Variants in SPAG6 observed in about 807,000 individuals in gnomAD.
SPAG6 encodes sperm-associated antigen 6.
A neutral mutation model predicts 58.5 loss-of-function variants in SPAG6; 49 were observed. The ratio of observed to expected loss-of-function variants is 0.84; its 90% CI spans 0.67 to 1.06. The LOEUF is 1.06. SPAG6 is among the 50% of genes least tolerant of loss of function. SPAG6 has a pLI of 0.00. For synonymous variants in SPAG6, 233 were observed against 225.6 expected (o/e 1.03, Z -0.29); for missense variants, 560 against 611.3 (o/e 0.92, Z 0.89).
intron 9 of SPAG6, among the ~76,000 whole-genome samples, chr10:22,403,359 C>T (rs1048370680): frequency 1.3e-5 from 2 of 152,014 alleles, no homozygotes; most frequent in South Asian, 2.1e-4. Flanking sequence ...TGTTCAATTC[C>T]CACCTATGAG....
intron 9 of SPAG6, among the ~76,000 whole-genome samples, chr10:22,409,996 G>A (rs1834689560): frequency 6.6e-6 from 1 of 152,116 alleles, no homozygotes; most frequent in African/African-American, 2.4e-5. Context: ...ACTTTCCTCA[G>A]CTGCTGATAG....
intron 2 of SPAG6, among the ~76,000 whole-genome samples, chr10:22,363,815 A>G (rs957564376): frequency 9.2e-5 from 14 of 152,244 alleles, no homozygotes; most frequent in African/African-American, 3.4e-4. Context: ...ACTAGGATAT[A>G]TTTTTAAAGA....
chr10:22,362,782 A>C (rs1381050095), intron 2 of SPAG6, among the ~76,000 whole-genome samples: 3 of 151,970 alleles, frequency 2.0e-5, no homozygotes, highest in Non-Finnish European at 4.4e-5. Flanking sequence ...GATAATGACA[A>C]TACAATGTCA....
intron 2 of SPAG6, among the ~76,000 whole-genome samples, chr10:22,356,013 A>G (rs1314212845): frequency 6.6e-6 from 1 of 152,268 alleles, no homozygotes; most frequent in Non-Finnish European, 1.5e-5. Context: ...GATAAGTATA[A>G]TTAGACTTAC....
rs573720613 is a variant in SPAG6 at position 22,381,813 on chromosome 10, T to C, written c.473-4941T>C. Among the ~76,000 whole-genome samples, 5 of 152,338 alleles carry C rather than the reference T, an allele frequency of 3.3e-5. No homozygotes were observed. The South Asian group carries it at 6.2e-4, about 19-fold the overall frequency. ...CTTTAGATAGTACTAATCTTATGAA[T>C]GTTGTTGATCTTAAAAGTCCTCCTT... On this transcript the variant is annotated intron_variant, in intron 4 of 10. Transcript: ENST00000376624.
chr10:22,367,737 T>C (rs1327562452), intron 3 of SPAG6, among the ~76,000 whole-genome samples: 1 of 152,154 alleles, frequency 6.6e-6, no homozygotes, highest in Non-Finnish European at 1.5e-5. Flanking sequence ...AACATGTTAG[T>C]CTTGTGTTTC....
At chr10:22,384,222 A>T (rs1834018476) in intron 4 of SPAG6, among the ~76,000 whole-genome samples, 1 of 152,186 alleles carries the variant, frequency 6.6e-6, no homozygotes, top group Admixed American at 6.5e-5. Flanking sequence ...AGACATGACC[A>T]TGTCCAACAA....
intron 9 of SPAG6, among the ~76,000 whole-genome samples, chr10:22,401,694 A>G (rs888891320): frequency 2.0e-5 from 3 of 152,250 alleles, no homozygotes; most frequent in Non-Finnish European, 4.4e-5. Flanking sequence ...AGATGTTCTC[A>G]GACAGTCATT....
chr10:22,380,751 CTT>C (rs1205644526), intron 4 of SPAG6, among the ~76,000 whole-genome samples: 4 of 151,568 alleles, frequency 2.6e-5, no homozygotes, highest in African/African-American at 7.3e-5. Flanking sequence ...TAATTTATAA[CTT>C]TGTTGTATTT....
At chr10:22,360,923 T>A in intron 2 of SPAG6, 1 of 901,154 alleles carries the variant, frequency 1.1e-6, no homozygotes, top group South Asian at 1.4e-5. Flanking sequence ...ATTGTCACCA[T>A]TTTTATGCAG....
intron 8 of SPAG6, among the ~76,000 whole-genome samples, chr10:22,393,735 A>G (rs1454817551): frequency 6.6e-6 from 1 of 152,160 alleles, no homozygotes; most frequent in African/African-American, 2.4e-5. Flanking sequence ...TAGGGATTTG[A>G]TCATTCTTTT....
chr10:22,415,260 ATATT>A (rs935064484), intron 10 of SPAG6, among the ~76,000 whole-genome samples: 21 of 150,498 alleles, frequency 1.4e-4, no homozygotes, highest in Admixed American at 6.6e-4. Context: ...GGTAAATTAA[ATATT>A]TATTACATTA....
chr10:22,411,048 C>A lies in SPAG6; in HGVS notation c.1332C>A (p.Ser444Arg), dbSNP rs1834718946. ...GQFSKVLPHD[S>R]KARRLFVTSG... Reference sequence around the variant, plus strand: ...TTTGCAAGGTGCTGCCGCATGATAGCAAAGCTCGACGACTTTTTGTAACAA... The same window carrying A: ...TTTGCAAGGTGCTGCCGCATGATAGAAAAGCTCGACGACTTTTTGTAACAA... Residue 444 changes from serine to arginine, a missense_variant, in exon 10 of 11, where the codon AGC becomes AGA. Ser to Arg is a moderately radical substitution (Grantham distance 110, BLOSUM62 -1). Coordinates refer to ENST00000376624, the MANE Select transcript of SPAG6 (RefSeq NM_012443.4). 6.2e-7 allele frequency: 1 copy of A among 1,613,750 alleles called. No individual in the cohort carries two copies. The highest frequency in any genetic ancestry group is 1.1e-5 in the South Asian group (1 of 90,956).
chr10:22,377,364 C>T (rs750642399), intron 4 of SPAG6, among the ~76,000 whole-genome samples: 3 of 152,230 alleles, frequency 2.0e-5, no homozygotes, highest in Admixed American at 1.3e-4. Context: ...GTTCTTGACC[C>T]GCAGAAACTC....
intron 4 of SPAG6, among the ~76,000 whole-genome samples, chr10:22,370,883 T>A (rs1833668897): frequency 6.6e-6 from 1 of 152,150 alleles, no homozygotes; most frequent in Non-Finnish European, 1.5e-5. Context: ...GAGGGACACA[T>A]TACAGATTAT....
intron 2 of SPAG6, among the ~76,000 whole-genome samples, chr10:22,355,693 G>A (rs1372354524): frequency 6.6e-6 from 1 of 152,108 alleles, no homozygotes; most frequent in Non-Finnish European, 1.5e-5. Context: ...GTCTGAAAAA[G>A]TATTTCAAGA....
At position 22,387,906 on chromosome 10, in the gene SPAG6, A is replaced by C. The variant is rs767648315; in HGVS notation, c.762A>C (p.Pro254=). The C allele has an allele frequency of 1.1e-5, 18 of 1,613,326 alleles. No individual in the cohort carries two copies. The highest frequency in any genetic ancestry group is 5.0e-5 in the Admixed American group (3 of 59,916). ...TGGTTGTTGAAGCAGAGATTTTTCCAGTTGTACTTACCTGTCTGAAGGACA... is the reference window on the plus strand; with the variant it reads ...TGGTTGTTGAAGCAGAGATTTTTCCCGTTGTACTTACCTGTCTGAAGGACA... The part of the protein sequence containing the change: ...AEMVVEAEIF[P]VVLTCLKDKD... Residue 254 remains proline (P), a synonymous_variant, in exon 6 of 11, where the codon CCA becomes CCC. Coordinates refer to ENST00000376624, the MANE Select transcript of SPAG6 (RefSeq NM_012443.4).
intron 2 of SPAG6, among the ~76,000 whole-genome samples, chr10:22,358,814 C>T (rs747101326): frequency 7.9e-5 from 12 of 152,158 alleles, no homozygotes; most frequent in East Asian, 3.8e-4. Flanking sequence ...AGCCAGTTTT[C>T]GAGAACTGAT....
At chr10:22,414,221 C>G (rs941327706) in intron 10 of SPAG6, among the ~76,000 whole-genome samples, 4 of 152,104 alleles carry the variant, frequency 2.6e-5, no homozygotes, top group African/African-American at 9.7e-5. Flanking sequence ...ATTCTGGTAT[C>G]ATAACAATAT....
Sources: allele counts gnomAD v4.1 joint callset (sites outside exome capture counted in the v4.1 genomes callset), GRCh38; gene constraint gnomAD v4.1.1; transcripts MANE v1.5; gene names NCBI Gene and HGNC (gene_info 2026-07-23, HGNC 2026-07-21).